The following SSR4 variants were observed in gnomAD, a reference collection of about 807,000 sequenced individuals.
The protein encoded by SSR4 is signal sequence receptor subunit 4, also known as translocon-associated protein subunit delta.
For missense variants in SSR4, 125 were observed against 148.8 expected, an observed-to-expected ratio of 0.84 and a Z score of 0.83; for synonymous variants, 84 against 65.6, an observed-to-expected ratio of 1.28 and a Z score of -1.35.
intron 1 of SSR4, chrX:153,795,150 G>C: frequency 5.8e-6 from 1 of 173,367 alleles, no homozygotes; most frequent in Non-Finnish European, 1.1e-5. Flanking sequence ...GTGAGGAGAG[G>C]GAGCAAGAGC....
chrX:153,797,160 A>C, intron 2 of SSR4: 1 of 336,004 alleles, frequency 3.0e-6, no homozygotes, highest in Admixed American at 4.7e-5. Flanking sequence ...TCCCTTGTAG[A>C]CTCAGGAAAT....
chrX:153,796,642 C>A, intron 2 of SSR4, 90 bp downstream of exon 2: 2 of 703,871 alleles, frequency 2.8e-6, no homozygotes, highest in South Asian at 2.3e-5. Context: ...GAGGGAGAAT[C>A]AAGATTCCAA....
chrX:153,797,650 G>A, intron 3 of SSR4, 75 bp from the exon 4 acceptor site: 3 of 1,111,189 alleles, frequency 2.7e-6, no homozygotes, highest in Non-Finnish European at 1.2e-6. Flanking sequence ...CCGGAGTGCT[G>A]CAGTGTCGGC....
At chrX:153,797,871 G>A in intron 4 of SSR4, 57 bp downstream of exon 4, 1 of 1,024,774 alleles carries the variant, frequency 9.8e-7, no homozygotes, top group Non-Finnish European at 1.3e-6. Context: ...GGATGGGCTG[G>A]GTTGGGAGGT....
chrX:153,794,454 A>G (rs1380174099), upstream of SSR4: 10 of 1,139,541 alleles, frequency 8.8e-6, no homozygotes, highest in Non-Finnish European at 1.2e-5. Context: ...GCACCGATTC[A>G]CGCCCCCTTC....
In SSR4 at chrX:153,794,832, G is replaced by T. The variant is rs1033199173; in HGVS notation, c.67+78G>T. 5 of 1,105,508 alleles carry T rather than the reference G, an allele frequency of 4.5e-6. No homozygotes were observed. In the Admixed American group the frequency reaches 8.2e-5, roughly 18 times the overall value. The allele number at this position is 1,105,508 out of a possible 1,213,427, so 91.1% of individuals were successfully genotyped here. A position where few individuals can be genotyped will look rare whatever the true frequency, so the allele number is the denominator to read the frequency against. On this transcript the variant is annotated intron_variant, in intron 1 of 5. Transcript: ENST00000370086. ...GGTGTTGGGGGCAGGAGGGATGCGG[G>T]GGTCCGGCCTTTCAGGGTCCGTCGC...
In SSR4 at chrX:153,798,129, A is replaced by G. The variant is rs781833695; in HGVS notation, c.410A>G (p.Asp137Gly). 2 of 1,209,812 alleles carry G rather than the reference A, an allele frequency of 1.7e-6. No homozygotes were observed. Residue 137 changes from aspartate (D) to glycine (G), a missense_variant, in exon 5 of 6, where the codon GAC becomes GGC. Coordinates refer to ENST00000370086, the MANE Select transcript of SSR4 (RefSeq NM_006280.3). ...IIPPLFTVSV[D>G]HRGTWNGPWV... Reference sequence around the variant, plus strand: ...CCGCCTCTGTTTACAGTCAGCGTGGACCATCGGGTGAGTGGCCTGGTCCCT... The same window carrying G: ...CCGCCTCTGTTTACAGTCAGCGTGGGCCATCGGGTGAGTGGCCTGGTCCCT...
At position 153,797,468 on chromosome X, in the gene SSR4, T is replaced by C; in HGVS notation, c.197T>C (p.Leu66Pro). The change falls in exon 3 of 6, where the codon CTC becomes CCC. Residue 66 changes from leucine to proline, a missense_variant. Leu to Pro is a moderately conservative substitution (Grantham distance 98). Transcript: ENST00000370086. ...TGTTCCCTCACCCAGAACATGGCTC[T>C]CTATGCTGACGTCGGTGGAAAACAA... ...TCKNRVQNMA[L>P]YADVGGKQFP... is the part of the protein sequence containing the mutation. 1 of 1,211,484 alleles carries C rather than the reference T, an allele frequency of 8.3e-7. No individual in the cohort carries two copies. The highest frequency in any genetic ancestry group is 1.1e-6 in the Non-Finnish European group (1 of 895,035).
intron 2 of SSR4, 38 bp from the exon 3 acceptor site, chrX:153,797,420 G>A: frequency 8.6e-7 from 1 of 1,156,715 alleles, no homozygotes; most frequent in Middle Eastern, 2.4e-4. Context: ...ACACCCAGAG[G>A]GGGCAGAAGG....
upstream of SSR4, chrX:153,794,621 C>T: frequency 8.3e-7 from 1 of 1,207,754 alleles, no homozygotes; most frequent in Non-Finnish European, 1.1e-6. Context: ...TTACGCGTCG[C>T]TCTTCCTCGT....
chrX:153,794,315 C>T (rs2092124103), upstream of SSR4: 1 of 1,197,801 alleles, frequency 8.3e-7, no homozygotes, highest in Non-Finnish European at 1.1e-6. Context: ...CGGTCGCTAC[C>T]TTCAGCGCCA....
At chrX:153,797,216 G>A (rs782177123) in intron 2 of SSR4, 1 of 414,616 alleles carries the variant, frequency 2.4e-6, no homozygotes, top group Admixed American at 4.1e-5. Context: ...AGTCAACAGG[G>A]TTCCTATGCG....
intron 2 of SSR4, 58 bp from the exon 3 acceptor site, chrX:153,797,397 GGCT>G: frequency 9.5e-7 from 1 of 1,049,636 alleles, no homozygotes; most frequent in Non-Finnish European, 1.3e-6. Flanking sequence ...CAGCGCACAG[GGCT>G]CCTCTGCCCA....
upstream of SSR4, chrX:153,794,189 T>C (rs2092122718): frequency 8.9e-7 from 1 of 1,119,184 alleles, no homozygotes; most frequent in Non-Finnish European, 1.2e-6. Flanking sequence ...CGGGTGCGGC[T>C]ACCCCACCGC....
At chrX:153,796,274 C>G (rs1200077827) in intron 1 of SSR4, 160 bp from the exon 2 acceptor site, 1 of 438,266 alleles carries the variant, frequency 2.3e-6, no homozygotes, top group African/African-American at 2.4e-5. Flanking sequence ...CATTTGTGAC[C>G]GAGCACTTGG....
At chrX:153,796,801 C>T (rs1037544573) in intron 2 of SSR4, 18 of 361,096 alleles carry the variant, frequency 5.0e-5, no homozygotes, top group East Asian at 2.3e-4. Context: ...GTATCTGGAC[C>T]GGGAGAAAGG....
At chrX:153,798,025 G>T (rs782004181) in intron 4 of SSR4, 46 bp from the exon 5 acceptor site, 16 of 257,597 alleles carry the variant, frequency 6.2e-5, no homozygotes, top group Non-Finnish European at 1.0e-4. Flanking sequence ...ACCCCCACAC[G>T]CCAGGCACCC....
chrX:153,796,098 G>T, intron 1 of SSR4: 1 of 216,378 alleles, frequency 4.6e-6, no homozygotes, highest in Non-Finnish European at 8.4e-6. Context: ...AATTGAGGCT[G>T]GCGTGGCCCC....
chrX:153,797,081 T>G, intron 2 of SSR4: 1 of 209,456 alleles, frequency 4.8e-6, no homozygotes, highest in Admixed American at 6.5e-5. Flanking sequence ...TGGGGCCTTT[T>G]TTGGGTATGG....
Sources: gnomAD v4.1 joint callset for allele counts on GRCh38, gnomAD v4.1.1 for gene constraint, MANE v1.5 for transcripts, NCBI Gene and HGNC (gene_info 2026-07-23, HGNC 2026-07-21) for gene names.